The following NECTIN3 variants were observed in gnomAD, a reference collection of about 807,000 sequenced individuals.
NECTIN3 encodes the protein nectin cell adhesion molecule 3.
NECTIN3 carries 8 observed loss-of-function variants against 49.4 expected under a neutral mutation model. That is an observed-to-expected ratio of 0.16 (90% confidence interval 0.10 to 0.29). The LOEUF (loss-of-function observed/expected upper bound fraction) is 0.29. Among genes scored for constraint, NECTIN3 ranks in the 10% least tolerant of loss-of-function variants. NECTIN3 has a pLI of 1.00. For missense variants in NECTIN3, 581 were observed against 654.6 expected (o/e 0.89, Z 1.23); for synonymous variants, 277 against 241.1 (o/e 1.15, Z -1.38).
intron 7 of NECTIN3, among the ~76,000 whole-genome samples, chr3:111,174,943 G>A (rs1222049543): frequency 1.3e-5 from 2 of 152,068 alleles, no homozygotes; most frequent in African/African-American, 2.4e-5. Flanking sequence ...GGTCACACAC[G>A]GACTCAGTGG....
At chr3:111,164,541 C>T (rs957065846) in intron 7 of NECTIN3, among the ~76,000 whole-genome samples, 4 of 152,120 alleles carry the variant, frequency 2.6e-5, no homozygotes, top group Admixed American at 6.5e-5. Context: ...AATTTATTGT[C>T]TCACAATTCT....
chr3:111,076,915 G>A (rs1335584724), intron 1 of NECTIN3, among the ~76,000 whole-genome samples: 2 of 150,960 alleles, frequency 1.3e-5, no homozygotes, highest in East Asian at 3.9e-4. Flanking sequence ...GGAGGAGGCT[G>A]CAGTGAACTG....
At chr3:111,072,742 C>T in intron 1 of NECTIN3, 1 of 659,382 alleles carries the variant, frequency 1.5e-6, no homozygotes, top group Non-Finnish European at 2.5e-6. Context: ...CTGACAGCTT[C>T]TGGAGCTCTC....
intron 1 of NECTIN3, among the ~76,000 whole-genome samples, chr3:111,107,810 A>T (rs1213804170): frequency 6.6e-6 from 1 of 152,134 alleles, no homozygotes; most frequent in African/African-American, 2.4e-5. Context: ...CAGTTTTAAG[A>T]TTCCATGGGG....
At chr3:111,153,456 A>G (rs1284863672) in intron 7 of NECTIN3, among the ~76,000 whole-genome samples, 1 of 152,038 alleles carries the variant, frequency 6.6e-6, no homozygotes, top group Non-Finnish European at 1.5e-5. Context: ...TCATCATATC[A>G]AAGCTTTTGC....
chr3:111,148,586 T>G (rs548130311), intron 7 of NECTIN3, among the ~76,000 whole-genome samples: 3 of 151,564 alleles, frequency 2.0e-5, no homozygotes, highest in South Asian at 2.1e-4. Context: ...TCTGGATTTG[T>G]TTTTTTTGCC....
At chr3:111,088,802 CT>C (rs1283527016) in intron 1 of NECTIN3, among the ~76,000 whole-genome samples, 1 of 152,190 alleles carries the variant, frequency 6.6e-6, no homozygotes, top group East Asian at 1.9e-4. Context: ...TCTTAAAATG[CT>C]TTTGCCACCT....
At chr3:111,110,750 C>T (rs955522524) in intron 1 of NECTIN3, among the ~76,000 whole-genome samples, 5 of 151,990 alleles carry the variant, frequency 3.3e-5, no homozygotes, top group African/African-American at 9.7e-5. Flanking sequence ...AAAACTGAAA[C>T]TTAAATTCGT....
chr3:111,137,618 AGT>A (rs538927779), downstream of NECTIN3: 504 of 482,712 alleles, frequency 1.0e-3, 2 homozygotes, highest in African/African-American at 0.01. Flanking sequence ...TATTTACTAA[AGT>A]GTGTGTGTAT....
At chr3:111,177,456 C>T (rs1437071066) in intron 7 of NECTIN3, among the ~76,000 whole-genome samples, 2 of 152,182 alleles carry the variant, frequency 1.3e-5, no homozygotes, top group East Asian at 3.9e-4. Context: ...AACATCTAGG[C>T]AGTACTGGAA....
chr3:111,090,031 A>G (rs2032167248), intron 1 of NECTIN3, among the ~76,000 whole-genome samples: 1 of 152,044 alleles, frequency 6.6e-6, no homozygotes, highest in African/African-American at 2.4e-5. Context: ...TTGCCTTAAC[A>G]TTTACTTTGT....
chr3:111,142,103 G>C (rs2034761848), downstream of NECTIN3, among the ~76,000 whole-genome samples: 2 of 151,832 alleles, frequency 1.3e-5, no homozygotes, highest in Admixed American at 1.3e-4. Flanking sequence ...CAAAATACTT[G>C]AATGCAAAAG....
intron 7 of NECTIN3, among the ~76,000 whole-genome samples, chr3:111,165,703 G>C (rs2035306151): frequency 6.6e-6 from 1 of 152,108 alleles, no homozygotes; most frequent in African/African-American, 2.4e-5. Flanking sequence ...TAAGTAACTT[G>C]GCTACTTTGC....
chr3:111,114,887 A>AC (rs2033624616), intron 2 of NECTIN3, among the ~76,000 whole-genome samples: 1 of 152,142 alleles, frequency 6.6e-6, no homozygotes, highest in African/African-American at 2.4e-5. Flanking sequence ...CTTTTCCTGT[A>AC]CACAGGTTCC....
intron 5 of NECTIN3, chr3:111,144,769 T>A: frequency 1.1e-6 from 1 of 943,388 alleles, no homozygotes; most frequent in South Asian, 1.9e-5. Context: ...TGAATGAAAT[T>A]TGGGGTCCTC....
chr3:111,149,666 C>G (rs58106260), intron 7 of NECTIN3, among the ~76,000 whole-genome samples: 4,119 of 151,934 alleles, frequency 0.027, 205 homozygotes, highest in African/African-American at 0.094. Flanking sequence ...ATCTTATATG[C>G]AGCCTCTTTT....
chr3:111,090,045 G>C (rs921768927), intron 1 of NECTIN3, among the ~76,000 whole-genome samples: 5 of 152,034 alleles, frequency 3.3e-5, no homozygotes, highest in Non-Finnish European at 7.4e-5. Flanking sequence ...ACTTTGTCTA[G>C]TTTTCATATA....
chr3:111,154,250 A>T (rs2035055209), intron 7 of NECTIN3, among the ~76,000 whole-genome samples: 1 of 152,046 alleles, frequency 6.6e-6, no homozygotes, highest in Non-Finnish European at 1.5e-5. Flanking sequence ...ATATTCTCAA[A>T]TTTTACACAA....
chr3:111,151,993 C>T (rs965487510), intron 7 of NECTIN3, among the ~76,000 whole-genome samples: 10 of 151,596 alleles, frequency 6.6e-5, no homozygotes, highest in Admixed American at 5.3e-4. Flanking sequence ...AATTTATTTC[C>T]CCCCTGTATA....
Sources: gnomAD v4.1 joint callset for allele counts (sites outside exome capture counted in the v4.1 genomes callset) on GRCh38, gnomAD v4.1.1 for gene constraint, MANE v1.5 for transcripts, NCBI Gene and HGNC (gene_info 2026-07-23, HGNC 2026-07-21) for gene names.